Variants in SAMD4A observed in about 807,000 individuals in gnomAD.
The protein encoded by SAMD4A is sterile alpha motif domain containing 4A, also known as protein Smaug homolog 1.
In SAMD4A, 33 loss-of-function variants were observed where a neutral mutation model predicts 81.3. That is an observed-to-expected ratio of 0.41 (90% CI 0.31 to 0.54). The LOEUF is 0.54. Among genes scored for constraint, SAMD4A ranks in the 20% least tolerant of loss-of-function variants. The pLI is 0.37. For synonymous variants in SAMD4A, 389 were observed against 382.1 expected (o/e 1.02, Z -0.21); for missense variants, 854 against 951.1 (o/e 0.90, Z 1.34).
chr14:54,730,928 A>G (rs887376170), intron 3 of SAMD4A, among the ~76,000 whole-genome samples: 1 of 152,226 alleles, frequency 6.6e-6, no homozygotes, highest in East Asian at 1.9e-4. Flanking sequence ...TCCAGGGTGT[A>G]ATATCATTTC....
At chr14:54,701,971 G>A (rs2140743280) in intron 2 of SAMD4A, 91 bp from the exon 3 acceptor site, 2 of 1,368,392 alleles carry the variant, frequency 1.5e-6, no homozygotes, top group Non-Finnish European at 2.0e-6. Flanking sequence ...TGTAGATTGG[G>A]ACCCTAATCC....
intron 2 of SAMD4A, among the ~76,000 whole-genome samples, chr14:54,615,887 T>TC (rs901555071): frequency 2.0e-5 from 3 of 150,474 alleles, no homozygotes; most frequent in Admixed American, 6.6e-5. Context: ...GACCCTCCCC[T>TC]CCCCCCCGAT....
intron 2 of SAMD4A, among the ~76,000 whole-genome samples, chr14:54,572,543 G>C (rs1341508897): frequency 6.6e-6 from 1 of 152,180 alleles, no homozygotes; most frequent in Non-Finnish European, 1.5e-5. Flanking sequence ...GGGCAGCTTG[G>C]TTGCTGTCCG....
At chr14:54,670,251 G>A (rs1419125733) in intron 2 of SAMD4A, among the ~76,000 whole-genome samples, 2 of 152,058 alleles carry the variant, frequency 1.3e-5, no homozygotes, top group African/African-American at 2.4e-5. Context: ...TCTGTTCCTA[G>A]GCATTAAGGA....
chr14:54,610,234 G>C (rs182553812), intron 2 of SAMD4A, among the ~76,000 whole-genome samples: 238 of 152,234 alleles, frequency 1.6e-3, no homozygotes, highest in African/African-American at 5.5e-3. Context: ...CTTCCAATTA[G>C]AATGAAACTA....
In SAMD4A at chr14:54,760,400, G is replaced by A; in HGVS notation, c.1416G>A (p.Gln472=). The change falls in exon 7 of 13, where the codon CAG becomes CAA. Residue 472 remains glutamine, a synonymous_variant. Transcript: ENST00000554335. The part of the protein sequence containing the change: ...TPSAGASGGL[Q]PHQLSSCDGE... ...CGGCCGGGGCCAGCGGGGGGCTCCAGCCGCACCAGCTGAGCAGCTGCGATG... is the reference window on the plus strand; with the variant it reads ...CGGCCGGGGCCAGCGGGGGGCTCCAACCGCACCAGCTGAGCAGCTGCGATG... The A allele has an allele frequency of 6.7e-7, 1 of 1,487,104 alleles. No individual in the cohort carries two copies. The highest frequency in any genetic ancestry group is 8.8e-7 in the Non-Finnish European group (1 of 1,130,778). 92.1% of individuals were successfully genotyped at this position (1,487,104 alleles called of 1,614,324 possible). A position where few individuals can be genotyped will look rare whatever the true frequency, so the allele number is the denominator to read the frequency against.
chr14:54,687,294 T>C (rs2036298701), intron 2 of SAMD4A: 1 of 453,956 alleles, frequency 2.2e-6, no homozygotes, highest in Non-Finnish European at 4.4e-6. Context: ...AAGTATTTCT[T>C]CTTACCTCAA....
chr14:54,753,230 G>T (rs952770235), intron 6 of SAMD4A, among the ~76,000 whole-genome samples: 1 of 152,224 alleles, frequency 6.6e-6, no homozygotes, highest in Non-Finnish European at 1.5e-5. Flanking sequence ...CCATATTTCA[G>T]ACTATCACCT....
chr14:54,612,310 A>G (rs1293275553), intron 2 of SAMD4A, among the ~76,000 whole-genome samples: 5 of 152,196 alleles, frequency 3.3e-5, no homozygotes, highest in Admixed American at 3.3e-4. Flanking sequence ...ATGATAAGAT[A>G]CCATCATTTT....
Position 54,754,503 on chromosome 14 carries a change from C to G in SAMD4A, c.1176+2966C>G, listed in dbSNP as rs192957480. ...TGAGCTGATGAGATGGGGTGGGAGG[C>G]AGTCTCTCTCAGGCATCCACTGAGG... On this transcript the variant is annotated intron_variant, in intron 6 of 12. Transcript: ENST00000554335. 5.0e-3 allele frequency among the ~76,000 whole-genome samples: 759 copies of G among 152,254 alleles called. 1 individual carries two copies. The highest frequency in any genetic ancestry group is 5.5e-3 in the Non-Finnish European group (371 of 68,014).
chr14:54,687,383 G>A (rs1240216462), intron 2 of SAMD4A: 1 of 456,534 alleles, frequency 2.2e-6, no homozygotes, highest in South Asian at 1.5e-5. Context: ...GATTTTCCTT[G>A]AAGAATCAAA....
intron 9 of SAMD4A, 42 bp from the exon 10 acceptor site, chr14:54,774,892 A>G (rs2038800704): frequency 6.2e-7 from 1 of 1,606,348 alleles, no homozygotes; most frequent in Non-Finnish European, 8.5e-7. Context: ...AAAGGGCTGA[A>G]TAACGACTGA....
At chr14:54,735,071 C>T (rs1291412038) in intron 3 of SAMD4A, 5 of 152,258 alleles carry the variant, frequency 3.3e-5, no homozygotes, top group Non-Finnish European at 7.3e-5. Flanking sequence ...GATGTCTAAG[C>T]TGGAATGTCC....
At chr14:54,746,185 G>T (rs2140959290) in intron 4 of SAMD4A, among the ~76,000 whole-genome samples, 1 of 152,334 alleles carries the variant, frequency 6.6e-6, no homozygotes, top group Middle Eastern at 3.4e-3. Flanking sequence ...AATCCAGAGG[G>T]TGAAAGGTTA....
At chr14:54,772,198 T>A (rs986912211) in intron 9 of SAMD4A, among the ~76,000 whole-genome samples, 1 of 152,244 alleles carries the variant, frequency 6.6e-6, no homozygotes, top group Non-Finnish European at 1.5e-5. Flanking sequence ...TTCTTATTAA[T>A]GTTACTTTAT....
rs1222959856 is a variant in SAMD4A, at chr14:54,791,133, G to A, written c.*2189G>A. On this transcript the variant is annotated 3_prime_UTR_variant, in exon 13 of 13. Transcript: ENST00000554335. Reference sequence around the variant, plus strand: ...CATCCCTTTTCTAAACAAGCTTAGTGTTACTTGGGGAATGTGTTGGGATGG... The same window carrying A: ...CATCCCTTTTCTAAACAAGCTTAGTATTACTTGGGGAATGTGTTGGGATGG... 2.0e-5 allele frequency: 3 copies of A among 152,214 alleles called. No homozygotes were observed. Among genetic ancestry groups the A allele is most frequent in the African/African-American group, 7.2e-5 (3 of 41,452 alleles). 9.4% of individuals were successfully genotyped at this position (152,214 alleles called of 1,614,324 possible). A position where few individuals can be genotyped will look rare whatever the true frequency, so the allele number is the denominator to read the frequency against.
At chr14:54,743,074 G>T (rs1200753388) in intron 4 of SAMD4A, among the ~76,000 whole-genome samples, 2 of 152,162 alleles carry the variant, frequency 1.3e-5, no homozygotes, top group Admixed American at 6.5e-5. Flanking sequence ...TCCTCTTTAA[G>T]AAAAAGGAAC....
rs2039233449 is a variant in SAMD4A, at chr14:54,790,065, C to T, written c.*1121C>T. On this transcript the variant is annotated 3_prime_UTR_variant, in exon 13 of 13. Transcript: ENST00000554335. ...ACAAGTTCCACTGGAGGAGAAAAGG[C>T]AAGGATGGACTTTTTCCCCTTGTGA... 1 of 152,186 alleles carries T rather than the reference C, an allele frequency of 6.6e-6. No individual in the cohort carries two copies. The highest frequency in any genetic ancestry group is 2.4e-5 in the African/African-American group (1 of 41,432). 9.4% of individuals were successfully genotyped at this position (152,186 alleles called of 1,614,324 possible). A position where few individuals can be genotyped will look rare whatever the true frequency, so the allele number is the denominator to read the frequency against.
chr14:54,599,444 A>G (rs923460043), intron 2 of SAMD4A, among the ~76,000 whole-genome samples: 1 of 152,210 alleles, frequency 6.6e-6, no homozygotes, highest in African/African-American at 2.4e-5. Flanking sequence ...CGAGGTCCAC[A>G]AATTTTTCAT....
Sources: allele counts gnomAD v4.1 joint callset (sites outside exome capture counted in the v4.1 genomes callset), GRCh38; gene constraint gnomAD v4.1.1; transcripts MANE v1.5; gene names NCBI Gene and HGNC (gene_info 2026-07-23, HGNC 2026-07-21).